The following PPHLN1 variants were observed in gnomAD, a reference collection of about 807,000 sequenced individuals.
The protein encoded by PPHLN1 is periphilin-1.
A neutral mutation model predicts 51.3 loss-of-function variants in PPHLN1; 29 were observed. The observed-to-expected ratio is 0.57, with a 90% CI of 0.42 to 0.77. The LOEUF is 0.77. Ranked by LOEUF, PPHLN1 falls within the 30% of genes least tolerant of loss-of-function variation. The pLI, the probability that PPHLN1 is intolerant of heterozygous loss-of-function variation, is 0.00. For synonymous variants in PPHLN1, 147 were observed against 147.8 expected, an observed-to-expected ratio of 0.99 and a Z score of 0.04; for missense variants, 436 against 438.4, an observed-to-expected ratio of 0.99 and a Z score of 0.05.
intron 9 of PPHLN1, among the ~76,000 whole-genome samples, chr12:42,431,140 A>C (rs1268734950): frequency 1.3e-5 from 2 of 152,322 alleles, no homozygotes; most frequent in African/African-American, 4.8e-5. Context: ...GAGTTTAATA[A>C]ATGTATTCCA....
At chr12:42,440,705 G>T (rs1309874696) in intron 9 of PPHLN1, among the ~76,000 whole-genome samples, 1 of 152,226 alleles carries the variant, frequency 6.6e-6, no homozygotes, top group Non-Finnish European at 1.5e-5. Context: ...ACCTTCCCAA[G>T]TAGCTGGGGT....
chr12:42,344,284 T>A (rs1350389279), intron 2 of PPHLN1, among the ~76,000 whole-genome samples: 1 of 152,198 alleles, frequency 6.6e-6, no homozygotes, highest in Admixed American at 6.5e-5. Context: ...ATTTACTTCT[T>A]TGGTAGGTTA....
rs569965242 is a variant in PPHLN1 at position 42,327,191 on chromosome 12, G to C, written c.-21+962G>C. Among the ~76,000 whole-genome samples the C allele has an allele frequency of 1.8e-4, 27 of 152,224 alleles. No homozygotes were observed. The East Asian group carries it at 5.2e-3, about 29-fold the overall frequency. ...CTGCTTTGTGCTTTCTTTCGACTTA[G>C]GCTATCACTGCTTCTTCGTTTCTTC... On this transcript the variant is annotated intron_variant, in intron 1 of 9. Transcript: ENST00000358314.
intron 2 of PPHLN1, among the ~76,000 whole-genome samples, chr12:42,342,796 A>G (rs189076959): frequency 6.6e-6 from 1 of 152,384 alleles, no homozygotes; most frequent in Admixed American, 6.5e-5. Context: ...AGTGATGTCA[A>G]GAACAGCAAC....
At chr12:42,446,386 TC>T, downstream of PPHLN1, 2 of 1,471,408 alleles carry the variant, frequency 1.4e-6, no homozygotes, top group South Asian at 2.8e-5. Context: ...TCAGCCCTAT[TC>T]CCTTCCCAGC....
intron 9 of PPHLN1, among the ~76,000 whole-genome samples, chr12:42,413,963 G>T (rs1565979054): frequency 1.3e-5 from 2 of 152,018 alleles, no homozygotes; most frequent in South Asian, 2.1e-4. Context: ...GTCTTTTTTG[G>T]TTCCATATGA....
chr12:42,425,035 AT>A (rs1481262800), intron 9 of PPHLN1, among the ~76,000 whole-genome samples: 4 of 113,686 alleles, frequency 3.5e-5, no homozygotes, highest in African/African-American at 1.4e-4. Flanking sequence ...TTTTTATTTT[AT>A]TTTATGTATG....
chr12:42,367,795 C>T (rs1241302709), intron 4 of PPHLN1, among the ~76,000 whole-genome samples: 2 of 152,070 alleles, frequency 1.3e-5, no homozygotes, highest in Non-Finnish European at 2.9e-5. Context: ...AGTACAGTGG[C>T]GTGATCTTGG....
intron 4 of PPHLN1, among the ~76,000 whole-genome samples, chr12:42,356,577 G>C (rs1232446093): frequency 6.6e-6 from 1 of 152,106 alleles, no homozygotes; most frequent in African/African-American, 2.4e-5. Flanking sequence ...GGCATACATG[G>C]CAATTATGTG....
chr12:42,434,800 TCTC>T (rs2082339382), intron 9 of PPHLN1, among the ~76,000 whole-genome samples: 1 of 152,182 alleles, frequency 6.6e-6, no homozygotes, highest in African/African-American at 2.4e-5. Flanking sequence ...TTGAAGCAAT[TCTC>T]CTGCCTCACC....
chr12:42,381,594 A>G (rs2076762679), intron 5 of PPHLN1, among the ~76,000 whole-genome samples: 1 of 152,072 alleles, frequency 6.6e-6, no homozygotes, highest in Non-Finnish European at 1.5e-5. Context: ...CTGCCCCTCT[A>G]CCTGTTTCTT....
intron 9 of PPHLN1, among the ~76,000 whole-genome samples, chr12:42,409,849 TG>T: frequency 6.6e-6 from 1 of 152,250 alleles, no homozygotes; most frequent in Non-Finnish European, 1.5e-5. Flanking sequence ...TGTCTTCTAT[TG>T]GGGGTCTCAA....
At chr12:42,334,149 G>A (rs1195704277) in intron 1 of PPHLN1, among the ~76,000 whole-genome samples, 2 of 152,102 alleles carry the variant, frequency 1.3e-5, no homozygotes, top group African/African-American at 4.8e-5. Context: ...GAGTAATGTT[G>A]ACAATTTACT....
intron 7 of PPHLN1, among the ~76,000 whole-genome samples, chr12:42,389,458 G>T (rs1468874324): frequency 6.6e-6 from 1 of 152,130 alleles, no homozygotes; most frequent in Non-Finnish European, 1.5e-5. Flanking sequence ...TACTTGGGAG[G>T]CCAAGGCAGG....
chr12:42,441,562 T>C lies in PPHLN1; in HGVS notation c.*53T>C. The stretch of plus-strand genomic sequence containing the variant: ...AAAAACAGTTTCTAAAAATTTTTTT[T>C]CCTGGATTGTGTAAATCCTTAATAT... On this transcript the variant is annotated 3_prime_UTR_variant, in exon 10 of 10. Transcript: ENST00000358314. The C allele has an allele frequency of 2.7e-6, 4 of 1,458,170 alleles. No individual in the cohort carries two copies. Among genetic ancestry groups the C allele is most frequent in the African/African-American group, 1.4e-5 (1 of 70,058 alleles). The allele number at this position is 1,458,170 out of a possible 1,614,324, so 90.3% of individuals were successfully genotyped here.
At chr12:42,363,366 G>T (rs888904263) in intron 4 of PPHLN1, among the ~76,000 whole-genome samples, 1 of 151,652 alleles carries the variant, frequency 6.6e-6, no homozygotes, top group Non-Finnish European at 1.5e-5. Flanking sequence ...GCCACCACTG[G>T]GTGGGTGTTA....
chr12:42,423,405 CTG>C (rs1025651896), intron 9 of PPHLN1, among the ~76,000 whole-genome samples: 1 of 151,984 alleles, frequency 6.6e-6, no homozygotes, highest in Non-Finnish European at 1.5e-5. Context: ...TAAAATGAAA[CTG>C]TGCTATTTAT....
chr12:42,389,169 G>A (rs112813348), intron 7 of PPHLN1, among the ~76,000 whole-genome samples: 8,859 of 151,952 alleles, frequency 0.058, 283 homozygotes, highest in Admixed American at 0.077. Flanking sequence ...TCAAGAGATC[G>A]AGACCATCCT....
At chr12:42,348,024 C>G (rs1472706472) in intron 2 of PPHLN1, among the ~76,000 whole-genome samples, 1 of 152,064 alleles carries the variant, frequency 6.6e-6, no homozygotes, top group Non-Finnish European at 1.5e-5. Flanking sequence ...AACACTTTCT[C>G]GAAATACCAA....
Sources: gnomAD v4.1 joint callset for allele counts (sites outside exome capture counted in the v4.1 genomes callset) on GRCh38, gnomAD v4.1.1 for gene constraint, MANE v1.5 for transcripts, NCBI Gene and HGNC (gene_info 2026-07-23, HGNC 2026-07-21) for gene names.